Variants in CES5A observed in about 807,000 individuals in gnomAD.
The protein encoded by CES5A is carboxylesterase 5.
CES5A carries 67 observed loss-of-function variants against 62.9 expected under a neutral mutation model. That is an observed-to-expected ratio of 1.07 (90% confidence interval 0.88 to 1.31). CES5A has a LOEUF of 1.31. Among genes scored for constraint, CES5A ranks in the 50% most tolerant of loss-of-function variants. The probability of loss-of-function intolerance (pLI) is 0.00; values close to 1 mark genes in which losing one functional copy is unlikely to be tolerated. For missense variants in CES5A, 748 were observed against 708.5 expected (o/e 1.06, Z -0.63); for synonymous variants, 296 against 280.8 (o/e 1.05, Z -0.54).
intron 2 of CES5A, among the ~76,000 whole-genome samples, chr16:55,940,170 G>A (rs1305807728): frequency 2.0e-5 from 3 of 151,944 alleles, no homozygotes; most frequent in Non-Finnish European, 4.4e-5. Context: ...AAGTAACCAG[G>A]AGAAAGAAAG....
chr16:55,877,698 C>T (rs1448371360), upstream of CES5A, among the ~76,000 whole-genome samples: 1 of 152,092 alleles, frequency 6.6e-6, no homozygotes, highest in African/African-American at 2.4e-5. Flanking sequence ...TATAGGATGC[C>T]TTACAGGTAC....
At chr16:55,869,804 A>G in intron 3 of CES5A, 60 bp from the exon 4 acceptor site, 4 of 1,536,248 alleles carry the variant, frequency 2.6e-6, no homozygotes, top group Non-Finnish European at 3.5e-6. Context: ...CTCCCCATGC[A>G]GTTTGAGGCA....
chr16:55,946,369 G>A (rs1176914043), intron 2 of CES5A, among the ~76,000 whole-genome samples: 3 of 152,080 alleles, frequency 2.0e-5, no homozygotes, highest in Non-Finnish European at 2.9e-5. Context: ...AAAAAAAATG[G>A]GAAAGAAGCT....
intron 9 of CES5A, among the ~76,000 whole-genome samples, chr16:55,855,734 G>A (rs534254135): frequency 2.4e-4 from 36 of 152,256 alleles, no homozygotes; most frequent in South Asian, 4.2e-4. Context: ...GGTCTGGTTC[G>A]GCTGCTGGGT....
chr16:55,849,903 C>A (rs1381324089), intron 10 of CES5A, 130 bp from the exon 11 acceptor site: 2 of 934,858 alleles, frequency 2.1e-6, no homozygotes, highest in Non-Finnish European at 3.1e-6. Context: ...CTCACTTCCC[C>A]CTTCCTCATT....
upstream of CES5A, among the ~76,000 whole-genome samples, chr16:55,928,060 G>T (rs377732294): frequency 6.6e-6 from 1 of 152,096 alleles, no homozygotes; most frequent in African/African-American, 2.4e-5. Context: ...TGGCTAGCAC[G>T]GTGAAACCCC....
intron 1 of CES5A, among the ~76,000 whole-genome samples, chr16:55,924,782 A>G (rs1245867667): frequency 6.6e-6 from 1 of 151,582 alleles, no homozygotes; most frequent in Non-Finnish European, 1.5e-5. Context: ...TTTAAAGGAC[A>G]ATAAATGATG....
In CES5A at chr16:55,874,020, GCCCTTCAGCAGAAGGCCCT is replaced by G; in HGVS notation, c.74-2_90del. On this transcript the variant is annotated splice_acceptor_variant and coding_sequence_variant, in exon 2 of 13. Coordinates refer to ENST00000290567, the MANE Select transcript of CES5A (RefSeq NM_001143685.2). LOFTEE classifies it high-confidence loss of function. ...CATCCCAGCCTGGTGTTCCTCTGTG[GCCCTTCAGCAGAAGGCCCT>G]GCGGGAACACATGGGAGGAATCAGG... is the stretch of plus-strand genomic sequence containing the variant. 1 of 1,606,212 alleles carries G rather than the reference GCCCTTCAGCAGAAGGCCCT, an allele frequency of 6.2e-7. No individual in the cohort carries two copies. Among genetic ancestry groups the G allele is most frequent in the East Asian group, 2.2e-5 (1 of 44,676 alleles).
chr16:55,885,088 C>T (rs1366414876), intron 1 of CES5A, among the ~76,000 whole-genome samples: 1 of 152,188 alleles, frequency 6.6e-6, no homozygotes, highest in Non-Finnish European at 1.5e-5. Context: ...TCTCATTATC[C>T]TTCTGCAGTG....
At chr16:55,855,123 A>G (rs2033214138) in intron 9 of CES5A, among the ~76,000 whole-genome samples, 1 of 152,208 alleles carries the variant, frequency 6.6e-6, no homozygotes, top group Admixed American at 6.5e-5. Flanking sequence ...AGAGCCTTGG[A>G]CATCCCTGTG....
intron 11 of CES5A, 60 bp downstream of exon 11, chr16:55,849,564 C>A: frequency 6.3e-7 from 1 of 1,580,004 alleles, no homozygotes; most frequent in Non-Finnish European, 8.6e-7. Flanking sequence ...CAGGCGCTTG[C>A]ATCGTGGTGG....
At chr16:55,906,608 C>T (rs1172871413) in intron 1 of CES5A, among the ~76,000 whole-genome samples, 1 of 152,206 alleles carries the variant, frequency 6.6e-6, no homozygotes, top group African/African-American at 2.4e-5. Flanking sequence ...AGGGAAGCCA[C>T]GGGCACGTGA....
intron 4 of CES5A, 179 bp downstream of exon 4, chr16:55,869,432 A>C: frequency 8.4e-7 from 1 of 1,197,510 alleles, no homozygotes; most frequent in South Asian, 2.3e-5. Context: ...TTATTGTTTC[A>C]AGCCACCAAC....
chr16:55,938,691 A>C (rs1313990785), intron 2 of CES5A, among the ~76,000 whole-genome samples: 3 of 134,124 alleles, frequency 2.2e-5, no homozygotes. Context: ...AGCCAAGACC[A>C]TGCCACTGCA....
At chr16:55,903,386 A>T (rs759918637) in intron 1 of CES5A, among the ~76,000 whole-genome samples, 2 of 152,220 alleles carry the variant, frequency 1.3e-5, no homozygotes, top group Non-Finnish European at 1.5e-5. Context: ...AAAAAAAGAA[A>T]CAAAGGAATT....
chr16:55,853,068 A>C, intron 9 of CES5A, 40 bp from the exon 10 acceptor site: 1 of 1,604,156 alleles, frequency 6.2e-7, no homozygotes. Context: ...CAGGTCAACC[A>C]CAATGGCCAA....
Position 55,846,694 on chromosome 16 carries a change from A to G in CES5A, c.1497-12T>C, listed in dbSNP as rs2033018836. The G allele has an allele frequency of 1.2e-6, 2 of 1,613,270 alleles. No individual in the cohort carries two copies. Among genetic ancestry groups the G allele is most frequent in the African/African-American group, 1.3e-5 (1 of 74,780 alleles). On this transcript the variant is annotated splice_polypyrimidine_tract_variant and intron_variant, in intron 12 of 12. Coordinates refer to ENST00000290567, the MANE Select transcript of CES5A (RefSeq NM_001143685.2). ...TCCCATTAGGATTCCTAGAAGGGAGAGCAGAAACAGGGGTGAGATTTTCCT... is the reference window on the plus strand; with the variant it reads ...TCCCATTAGGATTCCTAGAAGGGAGGGCAGAAACAGGGGTGAGATTTTCCT...
chr16:55,940,927 T>G (rs976668948), intron 2 of CES5A, among the ~76,000 whole-genome samples: 9 of 151,572 alleles, frequency 5.9e-5, no homozygotes, highest in African/African-American at 1.2e-4. Context: ...ATCCAGAAAA[T>G]GCATTTGACA....
rs146885179 is a variant in CES5A, at chr16:55,857,516, C to G, written c.1057-1071G>C. On this transcript the variant is annotated intron_variant, in intron 8 of 12. Transcript: ENST00000290567. ...ATGAATACTAGGGCAGTACCTGCCT[C>G]CTGGAATCTCAGGGAATCCTCAGAG... Among the ~76,000 whole-genome samples the G allele has an allele frequency of 5.2e-3, 788 of 151,506 alleles. 9 individuals are homozygous for G. Among genetic ancestry groups the G allele is most frequent in the African/African-American group, 0.018 (742 of 41,136 alleles).
Sources: allele counts gnomAD v4.1 joint callset (sites outside exome capture counted in the v4.1 genomes callset), GRCh38; gene constraint gnomAD v4.1.1; transcripts MANE v1.5; gene names NCBI Gene and HGNC (gene_info 2026-07-23, HGNC 2026-07-21).